FXR1: variants seen among roughly 807,000 people sequenced by gnomAD.
The protein encoded by FXR1 is RNA-binding protein FXR1.
Under a neutral mutation model 84.0 loss-of-function variants are expected in FXR1, and 15 were observed. The ratio of observed to expected loss-of-function variants is 0.18; its 90% CI spans 0.12 to 0.27. The LOEUF is 0.27. FXR1 is among the 10% of genes least tolerant of loss of function. The probability of loss-of-function intolerance (pLI) is 1.00; values close to 1 mark genes in which losing one functional copy is unlikely to be tolerated. For missense variants in FXR1, 480 were observed against 774.4 expected (o/e 0.62, Z 4.51); for synonymous variants, 245 against 250.7 (o/e 0.98, Z 0.21).
chr3:180,941,956 T>A (rs1304924920), intron 3 of FXR1, among the ~76,000 whole-genome samples: 2 of 151,926 alleles, frequency 1.3e-5, no homozygotes. Context: ...TGGGTCCTTA[T>A]GATTGATTAT....
chr3:180,954,872 ATTTT>A (rs11328945), intron 9 of FXR1, among the ~76,000 whole-genome samples: 10 of 114,536 alleles, frequency 8.7e-5, no homozygotes, highest in East Asian at 2.5e-4. Flanking sequence ...TTCTAAAAAG[ATTTT>A]TTTTTTTTTT....
chr3:180,914,339 T>G (rs551046889), intron 1 of FXR1, among the ~76,000 whole-genome samples: 2 of 152,286 alleles, frequency 1.3e-5, no homozygotes, highest in East Asian at 3.9e-4. Flanking sequence ...TCCTATCAAT[T>G]GTAGATAAGT....
chr3:180,958,487 A>G (rs1158869988), intron 10 of FXR1, among the ~76,000 whole-genome samples: 2 of 152,082 alleles, frequency 1.3e-5, no homozygotes, highest in South Asian at 2.1e-4. Context: ...AGAACATATG[A>G]TATTTGGTTT....
At position 180,947,890 on chromosome 3, in the gene FXR1, A is replaced by G. The variant is rs199903473; in HGVS notation, c.224A>G (p.Glu75Gly). 1 of 1,608,426 alleles carries G rather than the reference A, an allele frequency of 6.2e-7. No individual in the cohort carries two copies. Among genetic ancestry groups the G allele is most frequent in the Non-Finnish European group, 8.5e-7 (1 of 1,175,760 alleles). Residue 75 changes from glutamate to glycine, a missense_variant, in exon 4 of 17, where the codon GAG becomes GGG. Around this residue, in one of 6 missense-constraint regions of FXR1, gnomAD observed 136 missense variants for 315.4 expected, o/e 0.43. Coordinates refer to ENST00000357559, the MANE Select transcript of FXR1 (RefSeq NM_005087.4). ...VEVYSRANDQ[E>G]PCGWWLAKVR... The stretch of plus-strand genomic sequence containing the variant: ...GTATATTCAAGAGCAAATGACCAAG[A>G]GCCATGTGGGTGGTGGTTGGCTAAA...
rs766514811 is a variant in FXR1 at position 180,962,863 on chromosome 3, C to G, written c.1078-20C>G. On this transcript the variant is annotated intron_variant, in intron 11 of 16. Transcript: ENST00000357559. ...AAAGTTATATATAAGAAGACTTACT[C>G]TTTTTTGTTTTGATTGTAGGAAGTA... 9.1e-6 allele frequency: 14 copies of G among 1,546,412 alleles called. No homozygotes were observed. Among genetic ancestry groups the G allele is most frequent in the African/African-American group, 1.4e-5 (1 of 73,188 alleles).
chr3:180,971,238 T>C, intron 15 of FXR1: 1 of 409,776 alleles, frequency 2.4e-6, no homozygotes, highest in Non-Finnish European at 4.2e-6. Context: ...ATATTATACT[T>C]ACATGTACAC....
At chr3:180,974,160 CTTT>C (rs200685504) in intron 15 of FXR1, among the ~76,000 whole-genome samples, 70 of 143,302 alleles carry the variant, frequency 4.9e-4, no homozygotes, top group Middle Eastern at 3.7e-3. Context: ...AGTTTCAATT[CTTT>C]TTTTTTTTTT....
rs768054374 is a variant in FXR1, at chr3:180,949,213, T to C, written c.514-14T>C. The C allele has an allele frequency of 7.0e-6, 9 of 1,288,578 alleles. No homozygotes were observed. In the Admixed American group the frequency reaches 1.2e-4, roughly 17 times the overall value. 79.8% of individuals were successfully genotyped at this position (1,288,578 alleles called of 1,614,324 possible). A position where few individuals can be genotyped will look rare whatever the true frequency, so the allele number is the denominator to read the frequency against. On this transcript the variant is annotated splice_polypyrimidine_tract_variant and intron_variant, in intron 6 of 16. Coordinates refer to ENST00000357559, the MANE Select transcript of FXR1 (RefSeq NM_005087.4). The stretch of plus-strand genomic sequence containing the variant: ...ATGATTAAAGTTTTGAGTAATTAGC[T>C]TGTTTGTTTATAGTCTGCCAGTGAA...
chr3:180,920,402 G>A (rs1386296059), intron 1 of FXR1, among the ~76,000 whole-genome samples: 4 of 152,122 alleles, frequency 2.6e-5, no homozygotes, highest in Non-Finnish European at 5.9e-5. Flanking sequence ...TTTTTTTAAA[G>A]AAGTTATGTT....
At chr3:180,930,184 A>G (rs1251201349) in intron 1 of FXR1, among the ~76,000 whole-genome samples, 1 of 152,004 alleles carries the variant, frequency 6.6e-6, no homozygotes, top group African/African-American at 2.4e-5. Context: ...AAGTGCTTGA[A>G]CCAGGGAGTT....
At chr3:180,918,550 G>C (rs376796894) in intron 1 of FXR1, among the ~76,000 whole-genome samples, 2 of 152,350 alleles carry the variant, frequency 1.3e-5, no homozygotes, top group East Asian at 3.9e-4. Context: ...CTCTATCACA[G>C]TGTTTAAGGT....
intron 3 of FXR1, among the ~76,000 whole-genome samples, chr3:180,939,589 C>T (rs965876015): frequency 1.3e-5 from 2 of 152,092 alleles, no homozygotes; most frequent in African/African-American, 2.4e-5. Context: ...TTCACCAGCC[C>T]GGGAGCTCTA....
At chr3:180,964,480 ATCTGGATTC>A in intron 13 of FXR1, among the ~76,000 whole-genome samples, 1 of 152,200 alleles carries the variant, frequency 6.6e-6, no homozygotes, top group South Asian at 2.1e-4. Flanking sequence ...GTAGAGAAAC[ATCTGGATTC>A]AAGAAAGCTG....
intron 3 of FXR1, among the ~76,000 whole-genome samples, chr3:180,942,517 T>G (rs1721249588): frequency 6.6e-6 from 1 of 152,178 alleles, no homozygotes. Flanking sequence ...AGATTTTTTT[T>G]GAAACAGAAT....
Position 180,977,454 on chromosome 3 carries a change from CAAG to C in FXR1, c.*1163_*1165del, listed in dbSNP as rs1714342752. Reference sequence around the variant, plus strand: ...AGACAATGGGGGATAGAAGGGATGACAAGCAATTTTTAAATAATAGGCCAATGA... The same window carrying C: ...AGACAATGGGGGATAGAAGGGATGACCAATTTTTAAATAATAGGCCAATGA... On this transcript the variant is annotated 3_prime_UTR_variant, in exon 17 of 17. Transcript: ENST00000357559. 1 of 152,040 alleles carries C rather than the reference CAAG, an allele frequency of 6.6e-6. No homozygotes were observed. The highest frequency in any genetic ancestry group is 1.9e-4 in the East Asian group (1 of 5,188). The allele number at this position is 152,040 out of a possible 1,614,324, so 9.4% of individuals were successfully genotyped here.
At chr3:180,934,374 A>T (rs762651705) in intron 2 of FXR1, among the ~76,000 whole-genome samples, 1 of 152,198 alleles carries the variant, frequency 6.6e-6, no homozygotes, top group Admixed American at 6.5e-5. Flanking sequence ...GTCATAGTAT[A>T]CTTCCCAGAC....
At chr3:180,950,212 T>C (rs1347010558) in intron 7 of FXR1, among the ~76,000 whole-genome samples, 1 of 152,220 alleles carries the variant, frequency 6.6e-6, no homozygotes, top group Non-Finnish European at 1.5e-5. Context: ...GCACACACTG[T>C]GATGTCTCAG....
chr3:180,974,886 T>G (rs1435049793), intron 15 of FXR1, among the ~76,000 whole-genome samples: 3 of 152,046 alleles, frequency 2.0e-5, no homozygotes, highest in Admixed American at 2.0e-4. Flanking sequence ...TATCTGAAAT[T>G]TTCAAATTTA....
intron 3 of FXR1, among the ~76,000 whole-genome samples, chr3:180,940,029 G>A (rs1481146118): frequency 6.6e-6 from 1 of 152,124 alleles, no homozygotes; most frequent in Non-Finnish European, 1.5e-5. Context: ...TAAATACAGG[G>A]TTTGCCTTTC....
Sources: allele counts gnomAD v4.1 joint callset (sites outside exome capture counted in the v4.1 genomes callset), GRCh38; gene constraint gnomAD v4.1.1; regional missense constraint gnomAD v4.1.1; transcripts MANE v1.5; gene names NCBI Gene and HGNC (gene_info 2026-07-23, HGNC 2026-07-21).